NAV2: variants seen among roughly 807,000 people sequenced by gnomAD.
NAV2 encodes the protein helicase, APC down-regulated 1.
Under a neutral mutation model 223.2 loss-of-function variants are expected in NAV2, and 54 were observed. The ratio of observed to expected loss-of-function variants is 0.24; its 90% CI spans 0.19 to 0.30. NAV2 has a LOEUF of 0.30. NAV2 is among the 10% of genes least tolerant of loss of function. The probability of loss-of-function intolerance (pLI) is 1.00; values close to 1 mark genes in which losing one functional copy is unlikely to be tolerated. For missense variants in NAV2, 2,806 were observed against 3,147.5 expected (o/e 0.89, Z 2.60); for synonymous variants, 1,279 against 1,239.3 (o/e 1.03, Z -0.67).
chr11:19,796,469 C>T (rs974585105), intron 1 of NAV2, among the ~76,000 whole-genome samples: 2 of 152,166 alleles, frequency 1.3e-5, no homozygotes, highest in African/African-American at 4.8e-5. Context: ...GTACTGAAAA[C>T]GTTTTACATG....
chr11:19,803,269 C>G (rs989276338), intron 1 of NAV2, among the ~76,000 whole-genome samples: 4 of 152,220 alleles, frequency 2.6e-5, no homozygotes, highest in Admixed American at 2.0e-4. Context: ...GGTGGAGTCT[C>G]TGATCACACA....
rs1413333206 is a variant in NAV2 at position 20,055,962 on chromosome 11, G to A, written c.4831+5G>A. ...TCCGGGATGGGTTTGAAGAAGGTAAGGAAGGAAAGGAAGAAGGTAAGGAAG... is the reference window on the plus strand; with the variant it reads ...TCCGGGATGGGTTTGAAGAAGGTAAAGAAGGAAAGGAAGAAGGTAAGGAAG... On this transcript the variant is annotated splice_donor_5th_base_variant and intron_variant, in intron 19 of 37. Coordinates refer to ENST00000349880, the MANE Select transcript of NAV2 (RefSeq NM_145117.5). 1 of 1,610,992 alleles carries A rather than the reference G, an allele frequency of 6.2e-7. No individual in the cohort carries two copies. The highest frequency in any genetic ancestry group is 1.7e-5 in the Admixed American group (1 of 59,834).
At chr11:19,490,373 T>C (rs549338120) in intron 1 of NAV2, among the ~76,000 whole-genome samples, 1 of 152,212 alleles carries the variant, frequency 6.6e-6, no homozygotes, top group African/African-American at 2.4e-5. Context: ...TTATTTCACA[T>C]TGGACTCAGT....
chr11:19,523,562 G>A (rs2702692), intron 1 of NAV2, among the ~76,000 whole-genome samples: 64,953 of 152,010 alleles, frequency 0.43, 14,560 homozygotes, highest in African/African-American at 0.56. Context: ...TTCCTCTAGA[G>A]CGAGGCCTTC....
chr11:19,407,988 G>T (rs754277664), intron 1 of NAV2, among the ~76,000 whole-genome samples: 1 of 152,020 alleles, frequency 6.6e-6, no homozygotes, highest in Non-Finnish European at 1.5e-5. Flanking sequence ...GCAAATTGTC[G>T]GCAAGCCCAT....
intron 1 of NAV2, among the ~76,000 whole-genome samples, chr11:19,517,148 C>T (rs555177387): frequency 1.3e-5 from 2 of 152,304 alleles, no homozygotes; most frequent in South Asian, 4.1e-4. Flanking sequence ...CTCCCTTCTC[C>T]TGGCCTGCGC....
chr11:19,467,042 G>GAGAGAT (rs1554941051), intron 1 of NAV2, among the ~76,000 whole-genome samples: 1 of 146,320 alleles, frequency 6.8e-6, no homozygotes, highest in African/African-American at 2.6e-5. Flanking sequence ...GAGAGAGAGA[G>GAGAGAT]AGATAGATAG....
intron 11 of NAV2, among the ~76,000 whole-genome samples, chr11:20,007,139 T>C (rs547165867): frequency 2.0e-5 from 3 of 152,252 alleles, no homozygotes; most frequent in Non-Finnish European, 4.4e-5. Flanking sequence ...GTATTTTTTG[T>C]AGAGACAGGG....
intron 3 of NAV2, among the ~76,000 whole-genome samples, chr11:19,850,915 C>T (rs988090005): frequency 5.9e-5 from 9 of 152,048 alleles, no homozygotes; most frequent in African/African-American, 2.2e-4. Flanking sequence ...GAACTTAGAC[C>T]TTGATGCCAT....
intron 1 of NAV2, among the ~76,000 whole-genome samples, chr11:19,457,275 C>T (rs941159708): frequency 3.3e-5 from 5 of 152,096 alleles, no homozygotes; most frequent in Non-Finnish European, 5.9e-5. Flanking sequence ...AGAGGAAATG[C>T]AGGGTTGACA....
At chr11:19,879,556 C>T (rs2063066676) in intron 4 of NAV2, among the ~76,000 whole-genome samples, 1 of 152,150 alleles carries the variant, frequency 6.6e-6, no homozygotes, top group Non-Finnish European at 1.5e-5. Flanking sequence ...GTTCCTCCAT[C>T]CCCTGCCTGT....
chr11:19,522,830 G>A (rs1423804797), intron 1 of NAV2, among the ~76,000 whole-genome samples: 1 of 152,192 alleles, frequency 6.6e-6, no homozygotes, highest in Non-Finnish European at 1.5e-5. Flanking sequence ...ATTCCCCAAT[G>A]TCAACAGAAT....
At chr11:19,374,313 T>G (rs1306516868) in intron 1 of NAV2, among the ~76,000 whole-genome samples, 8 of 93,574 alleles carry the variant, frequency 8.5e-5, no homozygotes, top group Non-Finnish European at 1.4e-4. Flanking sequence ...GAAAAGGTTT[T>G]TTTTTTTTTT....
At chr11:19,872,718 C>G (rs978678816) in intron 4 of NAV2, among the ~76,000 whole-genome samples, 18 of 152,184 alleles carry the variant, frequency 1.2e-4, no homozygotes, top group Admixed American at 7.2e-4. Context: ...AGGCCTGCCC[C>G]GACCCGCCTG....
intron 1 of NAV2, among the ~76,000 whole-genome samples, chr11:19,399,393 A>G (rs529295544): frequency 1.8e-4 from 28 of 152,266 alleles, no homozygotes; most frequent in African/African-American, 6.7e-4. Flanking sequence ...CTCTCCCACA[A>G]GTCAGAGATT....
At chr11:19,621,874 C>T (rs545895099) in intron 1 of NAV2, among the ~76,000 whole-genome samples, 1 of 152,150 alleles carries the variant, frequency 6.6e-6, no homozygotes, top group East Asian at 1.9e-4. Context: ...ATCTTTCCTG[C>T]TTTCTCCTGT....
intron 11 of NAV2, chr11:20,022,547 CTGTAGGCTAATCTTT>C: frequency 2.0e-6 from 2 of 985,448 alleles, no homozygotes; most frequent in Non-Finnish European, 2.4e-6. Flanking sequence ...GAAATTCTCT[CTGTAGGCTAATCTTT>C]TCAATCGAAT....
intron 1 of NAV2, among the ~76,000 whole-genome samples, chr11:19,438,117 A>T (rs1261461314): frequency 2.6e-5 from 4 of 152,080 alleles, no homozygotes; most frequent in Non-Finnish European, 5.9e-5. Flanking sequence ...ATCCACTATC[A>T]CCCATCCCTT....
intron 1 of NAV2, among the ~76,000 whole-genome samples, chr11:19,587,568 T>A (rs2045941021): frequency 6.6e-6 from 1 of 152,232 alleles, no homozygotes; most frequent in Non-Finnish European, 1.5e-5. Flanking sequence ...TTATCAGGGC[T>A]TTTTGGTCCT....
Sources: gnomAD v4.1 joint callset for allele counts (sites outside exome capture counted in the v4.1 genomes callset) on GRCh38, gnomAD v4.1.1 for gene constraint, MANE v1.5 for transcripts, NCBI Gene and HGNC (gene_info 2026-07-23, HGNC 2026-07-21) for gene names.